The following ANKRD36 variants were observed in gnomAD, a reference collection of about 807,000 sequenced individuals.
ANKRD36 encodes the protein ankyrin repeat domain 36.
A neutral mutation model predicts 278.1 loss-of-function variants in ANKRD36; 179 were observed. The ratio of observed to expected loss-of-function variants is 0.64; its 90% CI spans 0.57 to 0.73. The LOEUF is 0.73. Among genes scored for constraint, ANKRD36 ranks in the 30% least tolerant of loss-of-function variants. ANKRD36 has a pLI of 0.00. For missense variants in ANKRD36, 1,159 were observed against 1,956.7 expected, an observed-to-expected ratio of 0.59 and a Z score of 7.69; for synonymous variants, 320 against 641.1, an observed-to-expected ratio of 0.50 and a Z score of 7.57.
intron 67 of ANKRD36, among the ~76,000 whole-genome samples, chr2:97,226,651 T>C (rs2069761635): frequency 6.6e-6 from 1 of 152,042 alleles, no homozygotes; most frequent in South Asian, 2.1e-4. Flanking sequence ...CTGTCAATTT[T>C]GGCTTTTGTT....
chr2:97,203,695 G>C (rs1269795419), intron 48 of ANKRD36, among the ~76,000 whole-genome samples: 1 of 151,814 alleles, frequency 6.6e-6, no homozygotes, highest in African/African-American at 2.4e-5. Flanking sequence ...TTTCCTGTAT[G>C]AAAGACATGT....
intron 48 of ANKRD36, among the ~76,000 whole-genome samples, chr2:97,202,830 CA>C (rs539083281): frequency 3.8e-4 from 58 of 151,910 alleles, no homozygotes; most frequent in African/African-American, 1.4e-3. Context: ...TTGTAGCAAT[CA>C]TTTTGCCAAA....
rs201062750 is a variant in ANKRD36 at position 97,207,009 on chromosome 2, C to G, written c.3164-802C>G. Among the ~76,000 whole-genome samples, 1,009 of 151,574 alleles carry G rather than the reference C, an allele frequency of 6.7e-3. 54 individuals carry two copies. The East Asian group carries it at 0.11, about 16-fold the overall frequency. ...TGGATTCTAATTAACTCCTAAAATGCTCATTTTCAATGAATATTGCAGTGA... is the reference window on the plus strand; with the variant it reads ...TGGATTCTAATTAACTCCTAAAATGGTCATTTTCAATGAATATTGCAGTGA... On this transcript the variant is annotated intron_variant, in intron 52 of 75. Coordinates refer to ENST00000420699, the MANE Select transcript of ANKRD36 (RefSeq NM_001354587.1).
intron 66 of ANKRD36, among the ~76,000 whole-genome samples, chr2:97,220,761 C>CTTTTTTTTTTTTTTTTTTTTT (rs60699692): frequency 1.4e-5 from 1 of 70,604 alleles, no homozygotes; most frequent in Non-Finnish European, 2.6e-5. Flanking sequence ...TTTTAATTTT[C>CTTTTTTTTTTTTTTTTTTTTT]TTTTTTTTTT....
At chr2:97,135,953 A>G (rs985594551) in intron 6 of ANKRD36, among the ~76,000 whole-genome samples, 5 of 151,634 alleles carry the variant, frequency 3.3e-5, no homozygotes, top group African/African-American at 9.7e-5. Flanking sequence ...CTGTCATACA[A>G]CTCCTAAAAT....
At chr2:97,211,944 TAC>T (rs1241402339) in intron 58 of ANKRD36, among the ~76,000 whole-genome samples, 3 of 151,886 alleles carry the variant, frequency 2.0e-5, no homozygotes, top group Admixed American at 6.6e-5. Context: ...TAGATGTCTG[TAC>T]TTTGAAATTG....
At chr2:97,196,959 C>G (rs1268835554) in intron 42 of ANKRD36, among the ~76,000 whole-genome samples, 171 bp downstream of exon 42, 1 of 151,916 alleles carries the variant, frequency 6.6e-6, no homozygotes, top group Non-Finnish European at 1.5e-5. Flanking sequence ...TGGTCTGGAA[C>G]ATGATCTTCG....
chr2:97,226,371 G>A (rs1451618934), intron 67 of ANKRD36, among the ~76,000 whole-genome samples: 2 of 151,748 alleles, frequency 1.3e-5, no homozygotes, highest in Non-Finnish European at 2.9e-5. Flanking sequence ...TTCTCTGATG[G>A]CCAGTGATGG....
chr2:97,142,976 C>T (rs985098584), intron 8 of ANKRD36, 141 bp downstream of exon 8: 52 of 1,173,372 alleles, frequency 4.4e-5, no homozygotes, highest in East Asian at 1.8e-4. Flanking sequence ...GATAAGTTCT[C>T]GGGTGACGCC....
At chr2:97,160,869 A>G (rs1244976799) in intron 17 of ANKRD36, among the ~76,000 whole-genome samples, 1 of 152,108 alleles carries the variant, frequency 6.6e-6, no homozygotes, top group African/African-American at 2.4e-5. Context: ...ATTCCTTTAG[A>G]TAACTGTTTT....
chr2:97,181,320 G>T (rs1397777484), intron 24 of ANKRD36, among the ~76,000 whole-genome samples: 1 of 151,456 alleles, frequency 6.6e-6, no homozygotes, highest in African/African-American at 2.4e-5. Flanking sequence ...TCATCACTCG[G>T]CATATCCACA....
intron 66 of ANKRD36, among the ~76,000 whole-genome samples, chr2:97,223,061 T>G (rs1378152936): frequency 1.3e-5 from 2 of 151,980 alleles, no homozygotes; most frequent in Non-Finnish European, 2.9e-5. Flanking sequence ...TTTTTTCATT[T>G]TTGACAATTA....
At chr2:97,125,775 G>T (rs1405857278) in intron 5 of ANKRD36, among the ~76,000 whole-genome samples, 1 of 151,710 alleles carries the variant, frequency 6.6e-6, no homozygotes, top group Non-Finnish European at 1.5e-5. Flanking sequence ...AAATATTTTC[G>T]GATTCTATTT....
chr2:97,189,189 T>G lies in ANKRD36; in HGVS notation c.2173-29T>G, dbSNP rs780282079. On this transcript the variant is annotated intron_variant, in intron 33 of 75. Transcript: ENST00000420699. Reference sequence around the variant, plus strand: ...GAAACATACTTCATTGATTTATTTATTTATTATTTTCTTTCAAATTCCATT... The same window carrying G: ...GAAACATACTTCATTGATTTATTTAGTTATTATTTTCTTTCAAATTCCATT... 20 of 745,396 alleles carry G rather than the reference T, an allele frequency of 2.7e-5. 6 individuals carry two copies. The highest frequency in any genetic ancestry group is 1.4e-4 in the African/African-American group (10 of 69,722). 46.2% of individuals were successfully genotyped at this position (745,396 alleles called of 1,614,324 possible).
At position 97,137,191 on chromosome 2, in the gene ANKRD36, G is replaced by T. The variant is rs1559279448; in HGVS notation, c.800-5449G>T. Among the ~76,000 whole-genome samples the T allele has an allele frequency of 2.0e-5, 3 of 151,906 alleles. No homozygotes were observed. The East Asian group carries it at 5.8e-4, about 29-fold the overall frequency. ...AGATGAAGTCTCACTTTGTCACCCA[G>T]GCTGGAGTGGAATGGCACAATCTTG... is the stretch of plus-strand genomic sequence containing the variant. On this transcript the variant is annotated intron_variant, in intron 6 of 75. Coordinates refer to ENST00000420699, the MANE Select transcript of ANKRD36 (RefSeq NM_001354587.1).
At chr2:97,133,329 T>C (rs1242855835) in intron 6 of ANKRD36, among the ~76,000 whole-genome samples, 1 of 152,012 alleles carries the variant, frequency 6.6e-6, no homozygotes, top group Non-Finnish European at 1.5e-5. Context: ...TGCTGTTAGA[T>C]TTTGGAATTT....
intron 34 of ANKRD36, 149 bp from the exon 35 acceptor site, chr2:97,190,829 G>T: frequency 8.0e-7 from 1 of 1,252,470 alleles, no homozygotes; most frequent in Non-Finnish European, 1.1e-6. Flanking sequence ...TTTCTGTCAT[G>T]TTCCAGTCCC....
chr2:97,229,340 A>G (rs985246434), intron 67 of ANKRD36, among the ~76,000 whole-genome samples: 1 of 151,894 alleles, frequency 6.6e-6, no homozygotes, highest in African/African-American at 2.4e-5. Context: ...GTGCATATAT[A>G]TTTAGGATAG....
At position 97,185,748 on chromosome 2, in the gene ANKRD36, C is replaced by T. The variant is rs1371399938; in HGVS notation, c.2041+238C>T. On this transcript the variant is annotated intron_variant, in intron 30 of 75. Coordinates refer to ENST00000420699, the MANE Select transcript of ANKRD36 (RefSeq NM_001354587.1). ...ATTGGGAAGAAGAAACATTGGAGAG[C>T]AGATCAAGACATAAGGGGTTCAGGG... Among the ~76,000 whole-genome samples the T allele has an allele frequency of 4.0e-5, 6 of 151,694 alleles. No homozygotes were observed. In the East Asian group the frequency reaches 9.7e-4, roughly 25 times the overall value.
Sources: gnomAD v4.1 joint callset for allele counts (sites outside exome capture counted in the v4.1 genomes callset) on GRCh38, gnomAD v4.1.1 for gene constraint, MANE v1.5 for transcripts, NCBI Gene and HGNC (gene_info 2026-07-23, HGNC 2026-07-21) for gene names.